The following RPL3L variants were observed in gnomAD, a reference collection of about 807,000 sequenced individuals.
The protein encoded by RPL3L is ribosomal protein uL3-like.
A neutral mutation model predicts 44.5 loss-of-function variants in RPL3L; 44 were observed. The ratio of observed to expected loss-of-function variants is 0.99; its 90% CI spans 0.78 to 1.27. The LOEUF (loss-of-function observed/expected upper bound fraction) is 1.27. Among genes scored for constraint, RPL3L ranks in the 50% most tolerant of loss-of-function variants. The probability of loss-of-function intolerance (pLI) is 0.00; values close to 1 mark genes in which losing one functional copy is unlikely to be tolerated. For synonymous variants in RPL3L, 292 were observed against 230.7 expected, an observed-to-expected ratio of 1.27 and a Z score of -2.41; for missense variants, 631 against 569.1, an observed-to-expected ratio of 1.11 and a Z score of -1.11.
intron 1 of RPL3L, 144 bp downstream of exon 1, chr16:1,954,485 G>A (rs972503978): frequency 3.0e-5 from 29 of 961,424 alleles, no homozygotes; most frequent in Admixed American, 2.7e-4. Flanking sequence ...CCCAGCCCTC[G>A]TCCCCTTGTT....
chr16:1,946,546 GC>G, intron 7 of RPL3L, 78 bp downstream of exon 7: 19 of 1,445,398 alleles, frequency 1.3e-5, no homozygotes, highest in Non-Finnish European at 1.1e-5. Flanking sequence ...TGTATACCAG[GC>G]CCCCCGGCCA....
At chr16:1,951,948 T>G (rs1326365557) in intron 3 of RPL3L, among the ~76,000 whole-genome samples, 1 of 151,348 alleles carries the variant, frequency 6.6e-6, no homozygotes, top group Non-Finnish European at 1.5e-5. Context: ...AGCCTTTTGG[T>G]TTTTTGTTTG....
chr16:1,949,180 G>A (rs569318520), intron 4 of RPL3L, among the ~76,000 whole-genome samples: 8 of 150,544 alleles, frequency 5.3e-5, no homozygotes, highest in South Asian at 2.1e-4. Flanking sequence ...TAAGTTGCCC[G>A]GGCTGCCACC....
chr16:1,954,351 G>C (rs1037615993), intron 1 of RPL3L, among the ~76,000 whole-genome samples: 3 of 152,120 alleles, frequency 2.0e-5, no homozygotes, highest in African/African-American at 7.2e-5. Flanking sequence ...ATAGCCACAG[G>C]CTTCCTGCCT....
At position 1,946,265 on chromosome 16, in the gene RPL3L, A is replaced by G. The variant is rs559272628; in HGVS notation, c.952-335T>C. ...GGTGGCCTGACTCCCAGGCCACAGT[A>G]GGAGCTGCCGCACTCCACACCCACA... On this transcript the variant is annotated intron_variant, in intron 7 of 9. Transcript: ENST00000268661. Among the ~76,000 whole-genome samples the G allele has an allele frequency of 7.9e-5, 12 of 152,332 alleles. No homozygotes were observed. In the East Asian group the frequency reaches 2.3e-3, roughly 29 times the overall value.
rs766534163 is a variant in RPL3L, at chr16:1,946,991, T to C, written c.796A>G (p.Ile266Val). Residue 266 changes from isoleucine (I) to valine (V), a missense_variant, in exon 6 of 10, where the codon ATT (isoleucine) becomes GTT (valine). Physicochemically the swap from Ile to Val is conservative, Grantham distance 29 (BLOSUM62 3). Coordinates refer to ENST00000268661, the MANE Select transcript of RPL3L (RefSeq NM_005061.3). ...TAGCCCTTCTGCCCGGCCCGAGCAA[T>C]GGAGCAGCCCACGCGGGCGGGGTGC... Reference protein sequence around the residue: ...AWHPARVGCSIARAGQKGYHH... With the variant: ...AWHPARVGCSVARAGQKGYHH... The C allele has an allele frequency of 1.2e-6, 2 of 1,611,162 alleles. No homozygotes were observed. Among genetic ancestry groups the C allele is most frequent in the South Asian group, 1.1e-5 (1 of 91,024 alleles).
rs1350846985 is a variant in RPL3L, at chr16:1,947,477, C to A, written c.502-97G>T. On this transcript the variant is annotated intron_variant, in intron 4 of 9. Coordinates refer to ENST00000268661, the MANE Select transcript of RPL3L (RefSeq NM_005061.3). ...GCAGTGACCCCTGCCGCCTTCCACGCATGCATTCATTCACAGGTGTTCCCA... is the reference window on the plus strand; with the variant it reads ...GCAGTGACCCCTGCCGCCTTCCACGAATGCATTCATTCACAGGTGTTCCCA... 11 of 1,345,750 alleles carry A rather than the reference C, an allele frequency of 8.2e-6. No individual in the cohort carries two copies. The East Asian group carries it at 2.3e-4, about 28-fold the overall frequency. The allele number at this position is 1,345,750 out of a possible 1,614,324, so 83.4% of individuals were successfully genotyped here.
At chr16:1,951,706 G>C (rs73494200) in intron 3 of RPL3L, among the ~76,000 whole-genome samples, 3,356 of 149,834 alleles carry the variant, frequency 0.022, 119 homozygotes, top group African/African-American at 0.067. Context: ...CTAACCCTCA[G>C]CAGAGTTCTG....
rs1160999089 is a variant in RPL3L at position 1,952,968 on chromosome 16, C to T, written c.271G>A (p.Gly91Ser). The T allele has an allele frequency of 6.2e-7, 1 of 1,613,108 alleles. No homozygotes were observed. The highest frequency in any genetic ancestry group is 1.7e-5 in the Admixed American group (1 of 59,750). The change falls in exon 3 of 10, where the codon GGC (glycine) becomes AGC (serine). Residue 91 changes from glycine (G) to serine (S), a missense_variant. Physicochemically the swap from Gly to Ser is moderately conservative, Grantham distance 56. Transcript: ENST00000268661. The stretch of plus-strand genomic sequence containing the variant: ...AGACCTCGAGGGGTGGCCACGTAGC[C>T]CACCACGCCCACCACCACTAGGGGC... ...TPPLVVVGVV[G>S]YVATPRGLRS... is the part of the protein sequence containing the mutation.
In RPL3L at chr16:1,951,950, TTTTG is replaced by T. The variant is rs945259941; in HGVS notation, c.365+920_365+923del. Among the ~76,000 whole-genome samples, 12 of 151,654 alleles carry T rather than the reference TTTTG, an allele frequency of 7.9e-5. No individual in the cohort carries two copies. The East Asian group carries it at 9.7e-4, about 12-fold the overall frequency. The stretch of plus-strand genomic sequence containing the variant: ...ATTCCATCAAATTAGCCTTTTGGTT[TTTTG>T]TTTGTTTGTTTTTTGACAGGGTCTC... On this transcript the variant is annotated intron_variant, in intron 3 of 9. Transcript: ENST00000268661.
chr16:1,950,714 G>C, intron 4 of RPL3L, 130 bp downstream of exon 4: 12 of 1,457,740 alleles, frequency 8.2e-6, no homozygotes, highest in Non-Finnish European at 1.1e-5. Flanking sequence ...AGCGAGGCTG[G>C]TCAGCCGCTC....
In RPL3L at chr16:1,946,757, G is replaced by A. The variant is rs756256234; in HGVS notation, c.850-31C>T. The A allele has an allele frequency of 7.2e-5, 116 of 1,609,516 alleles. 2 individuals are homozygous for A. In the Middle Eastern group the frequency reaches 1.0e-3, roughly 14 times the overall value. On this transcript the variant is annotated intron_variant, in intron 6 of 9. Transcript: ENST00000268661. ...AGAAGGGGGCACATGCCAGGGGCAG[G>A]AAGTGGCCTCTGAGGCCAGCAGCCC...
chr16:1,953,907 T>C (rs372146232), intron 2 of RPL3L, 49 bp downstream of exon 2: 17 of 1,431,776 alleles, frequency 1.2e-5, no homozygotes, highest in Non-Finnish European at 1.6e-5. Flanking sequence ...TCCGAGCATC[T>C]GGAAGGTTCA....
chr16:1,949,844 T>C (rs141010250), intron 4 of RPL3L, among the ~76,000 whole-genome samples: 103 of 3,294 alleles, frequency 0.031, no homozygotes, highest in Non-Finnish European at 0.04. Flanking sequence ...ATGGACGGGG[T>C]AGGTATGGAC....
chr16:1,946,018 G>A (rs1193236080), intron 7 of RPL3L, 88 bp from the exon 8 acceptor site: 6 of 1,098,676 alleles, frequency 5.5e-6, no homozygotes, highest in Non-Finnish European at 5.3e-6. Context: ...CCCCAGAGGG[G>A]GCAGTGATAG....
At chr16:1,947,889 G>C (rs574748386) in intron 4 of RPL3L, among the ~76,000 whole-genome samples, 25 of 152,004 alleles carry the variant, frequency 1.6e-4, no homozygotes, top group Non-Finnish European at 3.2e-4. Flanking sequence ...CCTGGGAGTG[G>C]GGAGCTCGGA....
intron 7 of RPL3L, 99 bp from the exon 8 acceptor site, chr16:1,946,029 G>T: frequency 9.8e-7 from 1 of 1,021,992 alleles, no homozygotes; most frequent in Non-Finnish European, 1.4e-6. Context: ...GCAGTGATAG[G>T]CAGGAGCCCC....
At chr16:1,947,502 A>G (rs1434677407) in intron 4 of RPL3L, 122 bp from the exon 5 acceptor site, 4 of 1,235,596 alleles carry the variant, frequency 3.2e-6, no homozygotes, top group Non-Finnish European at 4.4e-6. Context: ...AGGTGTTCCC[A>G]GGATCAGGTT....
chr16:1,953,804 G>A, intron 2 of RPL3L, 152 bp downstream of exon 2: 1 of 773,000 alleles, frequency 1.3e-6, no homozygotes, highest in Non-Finnish European at 1.8e-6. Flanking sequence ...CGGAAGCCCT[G>A]CCTGTGCTCA....
Sources: allele counts gnomAD v4.1 joint callset (sites outside exome capture counted in the v4.1 genomes callset), GRCh38; gene constraint gnomAD v4.1.1; transcripts MANE v1.5; gene names NCBI Gene and HGNC (gene_info 2026-07-23, HGNC 2026-07-21).